The following GPR39 variants were observed in gnomAD, a reference collection of about 807,000 sequenced individuals.
The protein encoded by GPR39 is zinc sensing receptor.
GPR39 carries 23 observed loss-of-function variants against 18.4 expected under a neutral mutation model. The observed-to-expected ratio is 1.25, with a 90% CI of 0.90 to 1.77. The LOEUF (loss-of-function observed/expected upper bound fraction) is 1.77. Ranked by LOEUF, GPR39 falls within the 40% of genes most tolerant of loss-of-function variation. The pLI is 0.00. For missense variants in GPR39, 647 were observed against 602.4 expected, an observed-to-expected ratio of 1.07 and a Z score of -0.78; for synonymous variants, 280 against 257.9, an observed-to-expected ratio of 1.09 and a Z score of -0.82.
intron 1 of GPR39, chr2:132,604,885 A>T (rs1324940114): frequency 6.6e-6 from 1 of 152,326 alleles, no homozygotes; most frequent in Non-Finnish European, 1.5e-5. Context: ...GAAGCTGAGG[A>T]TACGTGGATG....
At chr2:132,450,163 G>A (rs1181996098) in intron 1 of GPR39, among the ~76,000 whole-genome samples, 6 of 152,176 alleles carry the variant, frequency 3.9e-5, no homozygotes, top group African/African-American at 1.4e-4. Context: ...AGCTTCTAGG[G>A]CTGAGATTTG....
intron 1 of GPR39, among the ~76,000 whole-genome samples, chr2:132,583,743 A>C (rs1428656805): frequency 1.3e-5 from 2 of 151,144 alleles, no homozygotes; most frequent in African/African-American, 4.9e-5. Flanking sequence ...TTGGCCTCTG[A>C]GGGCTAGAAT....
chr2:132,549,443 G>A (rs1043099025), intron 1 of GPR39, among the ~76,000 whole-genome samples: 2 of 152,096 alleles, frequency 1.3e-5, no homozygotes, highest in Admixed American at 6.5e-5. Flanking sequence ...GGAACAAAAC[G>A]AAATCCCCAC....
chr2:132,511,996 TCCCCAATCCCCAGACAAACA>T (rs1188624306), intron 1 of GPR39, among the ~76,000 whole-genome samples: 1 of 152,084 alleles, frequency 6.6e-6, no homozygotes, highest in East Asian at 1.9e-4. Context: ...TCACCCCCAG[TCCCCAATCCCCAGACAAACA>T]CCTTGTCATT....
At chr2:132,627,565 T>C (rs1681574006) in intron 1 of GPR39, among the ~76,000 whole-genome samples, 3 of 152,192 alleles carry the variant, frequency 2.0e-5, no homozygotes, top group Admixed American at 2.0e-4. Flanking sequence ...GATTTTGCAA[T>C]CAATGAAAAT....
chr2:132,616,448 G>T (rs1356299972), intron 1 of GPR39, among the ~76,000 whole-genome samples: 2 of 152,164 alleles, frequency 1.3e-5, no homozygotes, highest in Admixed American at 6.5e-5. Context: ...AAGGCAAGGA[G>T]CCAGAAGCCT....
intron 1 of GPR39, among the ~76,000 whole-genome samples, chr2:132,480,394 T>G (rs1262954948): frequency 3.3e-5 from 5 of 152,086 alleles, no homozygotes. Flanking sequence ...ATGGTTAAGA[T>G]GGTAAATTTT....
At chr2:132,585,632 T>C (rs1054110755) in intron 1 of GPR39, among the ~76,000 whole-genome samples, 2 of 152,040 alleles carry the variant, frequency 1.3e-5, no homozygotes, top group East Asian at 1.9e-4. Flanking sequence ...GGGATGCGTG[T>C]TGTAGGCACT....
chr2:132,470,743 CAGGG>C (rs1256986716), intron 1 of GPR39, among the ~76,000 whole-genome samples: 1 of 127,162 alleles, frequency 7.9e-6, no homozygotes, highest in African/African-American at 3.0e-5. Flanking sequence ...GCAGGGGAGA[CAGGG>C]AGGGCACGGA....
chr2:132,642,830 A>G (rs531494475), intron 1 of GPR39, among the ~76,000 whole-genome samples: 9 of 152,338 alleles, frequency 5.9e-5, no homozygotes, highest in African/African-American at 2.2e-4. Flanking sequence ...ATAACTCCTC[A>G]GATGAAGATG....
intron 1 of GPR39, among the ~76,000 whole-genome samples, chr2:132,622,460 A>G: frequency 6.6e-6 from 1 of 152,228 alleles, no homozygotes; most frequent in Non-Finnish European, 1.5e-5. Context: ...ATGAGTGACC[A>G]TGGACCAGGG....
chr2:132,567,028 C>A (rs1680360497), intron 1 of GPR39, among the ~76,000 whole-genome samples: 1 of 152,168 alleles, frequency 6.6e-6, no homozygotes, highest in Non-Finnish European at 1.5e-5. Context: ...CCCAAAGTAA[C>A]AGTATTAAGA....
chr2:132,585,699 G>A (rs1390974073), intron 1 of GPR39, among the ~76,000 whole-genome samples: 1 of 152,054 alleles, frequency 6.6e-6, no homozygotes, highest in African/African-American at 2.4e-5. Flanking sequence ...GGGCAAGGGG[G>A]GCGCAGTTTG....
chr2:132,644,014 A>G (rs1681929132), intron 1 of GPR39, among the ~76,000 whole-genome samples: 1 of 152,238 alleles, frequency 6.6e-6, no homozygotes, highest in Admixed American at 6.5e-5. Flanking sequence ...AGCTCTCTAC[A>G]GGGGAATTTA....
At chr2:132,525,732 C>T (rs990549699) in intron 1 of GPR39, among the ~76,000 whole-genome samples, 1 of 152,142 alleles carries the variant, frequency 6.6e-6, no homozygotes, top group African/African-American at 2.4e-5. Flanking sequence ...AGTGGAGGCA[C>T]AAATATGTTC....
At chr2:132,503,805 T>C (rs72848714) in intron 1 of GPR39, among the ~76,000 whole-genome samples, 4,723 of 152,264 alleles carry the variant, frequency 0.031, 117 homozygotes, top group South Asian at 0.073. Flanking sequence ...GTGGTTCCCA[T>C]TCCAGTGGAG....
At chr2:132,445,109 A>G (rs1680510700) in intron 1 of GPR39, among the ~76,000 whole-genome samples, 2 of 152,218 alleles carry the variant, frequency 1.3e-5, no homozygotes, top group South Asian at 4.1e-4. Context: ...AAAATCATTC[A>G]TGACTCATCA....
intron 1 of GPR39, among the ~76,000 whole-genome samples, chr2:132,567,872 AG>A (rs1374551388): frequency 6.7e-6 from 1 of 148,886 alleles, no homozygotes; most frequent in Non-Finnish European, 1.5e-5. Flanking sequence ...GGTTTTAAAA[AG>A]GGGAGTTTCC....
At chr2:132,501,904 A>G (rs1413079825) in intron 1 of GPR39, among the ~76,000 whole-genome samples, 1 of 152,042 alleles carries the variant, frequency 6.6e-6, no homozygotes, top group Non-Finnish European at 1.5e-5. Context: ...ACTCCTGCTC[A>G]CTTTTGGTGT....
Sources: gnomAD v4.1 joint callset for allele counts (sites outside exome capture counted in the v4.1 genomes callset) on GRCh38, gnomAD v4.1.1 for gene constraint, MANE v1.5 for transcripts, NCBI Gene and HGNC (gene_info 2026-07-23, HGNC 2026-07-21) for gene names.